The following FREM3 variants were observed in gnomAD, a reference collection of about 807,000 sequenced individuals.
FREM3 encodes FRAS1-related extracellular matrix protein 3.
Under a neutral mutation model 129.1 loss-of-function variants are expected in FREM3, and 105 were observed. That is an observed-to-expected ratio of 0.81 (90% CI 0.69 to 0.96). The LOEUF (loss-of-function observed/expected upper bound fraction) is 0.96, where lower values mean the gene tolerates loss of function less well. FREM3 is among the 40% of genes least tolerant of loss of function. The pLI is 0.00. For synonymous variants in FREM3, 1,014 were observed against 1,044.9 expected (o/e 0.97, Z 0.57); for missense variants, 2,593 against 2,666.3 (o/e 0.97, Z 0.61).
intron 6 of FREM3, among the ~76,000 whole-genome samples, chr4:143,594,573 G>T (rs1738433755): frequency 6.6e-6 from 1 of 152,146 alleles, no homozygotes; most frequent in Non-Finnish European, 1.5e-5. Context: ...TTTGAACAAA[G>T]TTACCTACAT....
chr4:143,683,050 C>T (rs1157107167), intron 2 of FREM3, among the ~76,000 whole-genome samples: 1 of 152,084 alleles, frequency 6.6e-6, no homozygotes, highest in South Asian at 2.1e-4. Flanking sequence ...GCTTTGAAGA[C>T]GGAGGAATGG....
intron 6 of FREM3, among the ~76,000 whole-genome samples, chr4:143,595,455 T>G (rs887098694): frequency 6.6e-5 from 10 of 152,240 alleles, no homozygotes; most frequent in African/African-American, 1.7e-4. Flanking sequence ...ATCCCCTATG[T>G]GCTGTAAGCA....
In FREM3 at chr4:143,696,593, G is replaced by A. The variant is rs943127733; in HGVS notation, c.4083C>T (p.Pro1361=). The A allele has an allele frequency of 5.7e-5, 88 of 1,537,490 alleles. No homozygotes were observed. The African/African-American group carries it at 1.2e-3, about 20-fold the overall frequency. The part of the protein sequence containing the change: ...QQGLLQRLRK[P]RGEVRNNLTL... ...TAAGATTGTTCCTCACTTCTCCTCTGGGTTTTCTCAGCCTCTGTAGAAGCC... is the reference window on the plus strand; with the variant it reads ...TAAGATTGTTCCTCACTTCTCCTCTAGGTTTTCTCAGCCTCTGTAGAAGCC... Residue 1361 remains proline, a synonymous_variant, in exon 1 of 8, where the codon CCC becomes CCT. Coordinates refer to ENST00000329798, the MANE Select transcript of FREM3 (RefSeq NM_001168235.2).
Position 143,697,607 on chromosome 4 carries a change from T to A in FREM3, c.3069A>T (p.Ala1023=), listed in dbSNP as rs923686761. Residue 1023 remains alanine, a synonymous_variant, in exon 1 of 8, where the codon GCA becomes GCT. Coordinates refer to ENST00000329798, the MANE Select transcript of FREM3 (RefSeq NM_001168235.2). ...INGRVAYAHT[A]GEVGFQKQHD... is the part of the protein sequence containing the mutation. ...GCTGCTTTTGAAAACCAACTTCACC[T>A]GCAGTGTGGGCATAGGCTACTCTCC... The A allele has an allele frequency of 1.3e-6, 2 of 1,537,674 alleles. No individual in the cohort carries two copies. Among genetic ancestry groups the A allele is most frequent in the Non-Finnish European group, 1.7e-6 (2 of 1,147,024 alleles).
In FREM3 at chr4:143,627,761, CT is replaced by C. The variant is rs1473783528; in HGVS notation, c.5276-2del. 3.3e-6 allele frequency: 5 copies of C among 1,533,994 alleles called. No individual in the cohort carries two copies. The highest frequency in any genetic ancestry group is 4.4e-6 in the Non-Finnish European group (5 of 1,144,334). On this transcript the variant is annotated splice_acceptor_variant, in intron 2 of 7. Coordinates refer to ENST00000329798, the MANE Select transcript of FREM3 (RefSeq NM_001168235.2). LOFTEE classifies it high-confidence loss of function. ...GGCTGATTTGTTAGTTTATTTCCTC[CT>C]GCAATTGATAGGGGCAAAGGAAAAG...
At chr4:143,596,608 A>G (rs888597332) in intron 6 of FREM3, among the ~76,000 whole-genome samples, 3 of 152,154 alleles carry the variant, frequency 2.0e-5, no homozygotes, top group Non-Finnish European at 4.4e-5. Context: ...ATTTAAGTAG[A>G]TATTTTGGAA....
At chr4:143,602,070 T>G (rs975288544) in intron 6 of FREM3, 10 of 152,198 alleles carry the variant, frequency 6.6e-5, no homozygotes, top group Non-Finnish European at 1.3e-4. Flanking sequence ...AGATGATGTA[T>G]TTGACTCTCC....
In FREM3 at chr4:143,611,599, C is replaced by G. The variant is rs934761795; in HGVS notation, c.5780-72G>C. On this transcript the variant is annotated intron_variant, in intron 5 of 7. Transcript: ENST00000329798. ...TCCAAACAAGAAGCCTGTCTGTTTT[C>G]TTTAATGTATTTTTAGATAATAGCT... 3.5e-5 allele frequency: 48 copies of G among 1,376,090 alleles called. No homozygotes were observed. The African/African-American group carries it at 6.6e-4, about 19-fold the overall frequency. 85.2% of individuals were successfully genotyped at this position (1,376,090 alleles called of 1,614,324 possible). A position where few individuals can be genotyped will look rare whatever the true frequency, so the allele number is the denominator to read the frequency against.
intron 2 of FREM3, among the ~76,000 whole-genome samples, chr4:143,633,553 G>A (rs1235916397): frequency 1.3e-5 from 2 of 152,150 alleles, no homozygotes; most frequent in African/African-American, 2.4e-5. Context: ...TGTTGTGTTT[G>A]TAAAGGAATA....
chr4:143,637,302 T>A (rs756847355), intron 2 of FREM3, among the ~76,000 whole-genome samples: 12 of 152,178 alleles, frequency 7.9e-5, no homozygotes, highest in Non-Finnish European at 1.5e-4. Flanking sequence ...AGAAAGTAAC[T>A]TGGAATAGAA....
chr4:143,687,382 T>C (rs1349241998), intron 2 of FREM3, among the ~76,000 whole-genome samples: 1 of 151,292 alleles, frequency 6.6e-6, no homozygotes, highest in African/African-American at 2.4e-5. Context: ...CTGACGACAA[T>C]AACAAAAAAT....
intron 2 of FREM3, among the ~76,000 whole-genome samples, chr4:143,646,990 A>G (rs1739429585): frequency 6.6e-6 from 1 of 152,158 alleles, no homozygotes; most frequent in Non-Finnish European, 1.5e-5. Context: ...AGGGCTCAGA[A>G]GAAGACAGGA....
intron 7 of FREM3, among the ~76,000 whole-genome samples, chr4:143,583,794 G>A (rs979109861): frequency 6.6e-5 from 10 of 152,044 alleles, no homozygotes; most frequent in African/African-American, 2.4e-4. Context: ...TGCCTTACAA[G>A]AGGTTTTTAA....
At chr4:143,684,951 A>C (rs1740331963) in intron 2 of FREM3, among the ~76,000 whole-genome samples, 1 of 152,108 alleles carries the variant, frequency 6.6e-6, no homozygotes, top group Non-Finnish European at 1.5e-5. Flanking sequence ...CCAATCCAAG[A>C]AAGAAAAAAG....
At chr4:143,677,471 A>T (rs1471260065) in intron 2 of FREM3, among the ~76,000 whole-genome samples, 1 of 152,248 alleles carries the variant, frequency 6.6e-6, no homozygotes, top group Non-Finnish European at 1.5e-5. Context: ...ACCATTCAGG[A>T]CATAGGCATG....
At chr4:143,691,649 A>C (rs1040040532) in intron 2 of FREM3, among the ~76,000 whole-genome samples, 1 of 152,234 alleles carries the variant, frequency 6.6e-6, no homozygotes, top group Non-Finnish European at 1.5e-5. Flanking sequence ...TGGGCATCAT[A>C]ACATTTACTT....
At chr4:143,608,002 A>T (rs950496885) in intron 6 of FREM3, among the ~76,000 whole-genome samples, 1 of 152,086 alleles carries the variant, frequency 6.6e-6, no homozygotes, top group Non-Finnish European at 1.5e-5. Flanking sequence ...GCATCACTCC[A>T]ACCTCTGGTT....
In FREM3 at chr4:143,607,843, C is replaced by A. The variant is rs1578832410; in HGVS notation, c.6028+3436G>T. 2.0e-5 allele frequency among the ~76,000 whole-genome samples: 3 copies of A among 152,268 alleles called. No homozygotes were observed. The Middle Eastern group carries it at 0.01, about 518-fold the overall frequency. ...ATAAATTTATTCCATTACAGTTCTA[C>A]AAGTCAGAAGTCTAACTAAAATAAA... is the stretch of plus-strand genomic sequence containing the variant. On this transcript the variant is annotated intron_variant, in intron 6 of 7. Transcript: ENST00000329798.
chr4:143,660,387 T>G (rs1254622209), intron 2 of FREM3, among the ~76,000 whole-genome samples: 2 of 152,158 alleles, frequency 1.3e-5, no homozygotes, highest in African/African-American at 4.8e-5. Context: ...AAAGATCAGA[T>G]AGTTGTAGAT....
Sources: allele counts gnomAD v4.1 joint callset (sites outside exome capture counted in the v4.1 genomes callset), GRCh38; gene constraint gnomAD v4.1.1; transcripts MANE v1.5; gene names NCBI Gene and HGNC (gene_info 2026-07-23, HGNC 2026-07-21).